The following SPATS2 variants were observed in gnomAD, a reference collection of about 807,000 sequenced individuals.
SPATS2 encodes the protein spermatogenesis associated serine rich 2.
A neutral mutation model predicts 63.7 loss-of-function variants in SPATS2; 38 were observed. The observed-to-expected ratio is 0.60, with a 90% CI of 0.46 to 0.78. SPATS2 has a LOEUF of 0.78. Ranked by LOEUF, SPATS2 falls within the 30% of genes least tolerant of loss-of-function variation. The pLI, the probability that SPATS2 is intolerant of heterozygous loss-of-function variation, is 0.00. For synonymous variants in SPATS2, 207 were observed against 232.9 expected, an observed-to-expected ratio of 0.89 and a Z score of 1.01; for missense variants, 588 against 666.2, an observed-to-expected ratio of 0.88 and a Z score of 1.29.
intron 2 of SPATS2, among the ~76,000 whole-genome samples, chr12:49,406,244 AAAT>A (rs1157682670): frequency 2.0e-5 from 3 of 152,142 alleles, no homozygotes; most frequent in Middle Eastern, 3.4e-3. Context: ...AGTAAATAAT[AAAT>A]AATCTTGGAA....
At position 49,467,215 on chromosome 12, in the gene SPATS2, A is replaced by ATT. The variant is rs35462676; in HGVS notation, c.25+6197_25+6198dup. Among the ~76,000 whole-genome samples, 331 of 119,898 alleles carry ATT rather than the reference A, an allele frequency of 2.8e-3. 5 individuals carry two copies. Among genetic ancestry groups the ATT allele is most frequent in the East Asian group, 0.012 (50 of 4,012 alleles). The allele number at this position is 119,898 out of a possible 152,430, so 78.7% of individuals were successfully genotyped here. A position where few individuals can be genotyped will look rare whatever the true frequency, so the allele number is the denominator to read the frequency against. ...AGGCCCACACCACCATGCCTGGCTA[A>ATT]TTTTTTTTTTTTTTTTTTTTGTATT... On this transcript the variant is annotated intron_variant, in intron 3 of 13. Coordinates refer to ENST00000552918, the MANE Select transcript of SPATS2 (RefSeq NM_023071.4).
chr12:49,392,820 G>T (rs1269151797), intron 2 of SPATS2, among the ~76,000 whole-genome samples: 4 of 151,910 alleles, frequency 2.6e-5, no homozygotes, highest in Admixed American at 1.3e-4. Context: ...GGGAAGCTGA[G>T]TTGGGTGGAT....
chr12:49,478,057 C>G (rs915119701), intron 3 of SPATS2, among the ~76,000 whole-genome samples: 1 of 150,670 alleles, frequency 6.6e-6, no homozygotes, highest in Non-Finnish European at 1.5e-5. Flanking sequence ...TCCCTGCAAC[C>G]TCAGACTCCT....
chr12:49,419,080 G>T (rs368316576), intron 2 of SPATS2, among the ~76,000 whole-genome samples: 5 of 152,158 alleles, frequency 3.3e-5, no homozygotes, highest in African/African-American at 1.2e-4. Context: ...CAAGGTTCCT[G>T]AGTGGTTTGG....
intron 9 of SPATS2, among the ~76,000 whole-genome samples, chr12:49,505,230 G>A (rs1399603124): frequency 3.9e-5 from 6 of 152,094 alleles, no homozygotes; most frequent in Non-Finnish European, 5.9e-5. Flanking sequence ...TAGAAATAAA[G>A]GAATGTGCTA....
At chr12:49,414,491 T>C (rs1257859616) in intron 2 of SPATS2, among the ~76,000 whole-genome samples, 2 of 152,198 alleles carry the variant, frequency 1.3e-5, no homozygotes, top group African/African-American at 4.8e-5. Flanking sequence ...CCTAAAATAT[T>C]TATCTGGTCC....
At chr12:49,382,623 C>G (rs537554739) in intron 2 of SPATS2, among the ~76,000 whole-genome samples, 5 of 152,326 alleles carry the variant, frequency 3.3e-5, no homozygotes, top group African/African-American at 1.2e-4. Flanking sequence ...CAGAAGTAAC[C>G]TCTGTTATAA....
At chr12:49,471,231 AGCT>A (rs1946028937) in intron 3 of SPATS2, among the ~76,000 whole-genome samples, 1 of 152,218 alleles carries the variant, frequency 6.6e-6, no homozygotes, top group South Asian at 2.1e-4. Context: ...CATTAATGCC[AGCT>A]GCTGTTATGG....
intron 2 of SPATS2, among the ~76,000 whole-genome samples, chr12:49,429,062 A>AGCTCTGCTCCTTTTGAGCTC (rs1432759741): frequency 6.6e-6 from 1 of 152,198 alleles, no homozygotes; most frequent in Non-Finnish European, 1.5e-5. Context: ...CATGTATTCC[A>AGCTCTGCTCCTTTTGAGCTC]GCTCTGCTCC....
intron 2 of SPATS2, among the ~76,000 whole-genome samples, chr12:49,438,209 A>G (rs1294952438): frequency 6.6e-6 from 1 of 152,150 alleles, no homozygotes; most frequent in Non-Finnish European, 1.5e-5. Context: ...AGAATCCTAT[A>G]GTATGTACTC....
At chr12:49,495,405 G>C (rs915765389) in intron 7 of SPATS2, among the ~76,000 whole-genome samples, 2 of 151,968 alleles carry the variant, frequency 1.3e-5, no homozygotes, top group African/African-American at 2.4e-5. Flanking sequence ...CACCGTGTTA[G>C]CCAGGATAGT....
chr12:49,383,280 A>C (rs1339350065), intron 2 of SPATS2, among the ~76,000 whole-genome samples: 1 of 151,022 alleles, frequency 6.6e-6, no homozygotes, highest in African/African-American at 2.4e-5. Context: ...CGGCCTCTCA[A>C]AGTGCTGGGA....
chr12:49,489,399 G>T, intron 4 of SPATS2, 66 bp from the exon 5 acceptor site: 1 of 1,218,042 alleles, frequency 8.2e-7, no homozygotes. Flanking sequence ...ATTATTCTCT[G>T]TATAGGCCTC....
At chr12:49,382,560 C>T (rs1004453871) in intron 2 of SPATS2, among the ~76,000 whole-genome samples, 1 of 152,084 alleles carries the variant, frequency 6.6e-6, no homozygotes, top group African/African-American at 2.4e-5. Flanking sequence ...TTACTTTGAT[C>T]CCTAACACTA....
At chr12:49,377,177 T>C (rs891050991) in intron 2 of SPATS2, among the ~76,000 whole-genome samples, 1 of 152,238 alleles carries the variant, frequency 6.6e-6, no homozygotes, top group Non-Finnish European at 1.5e-5. Context: ...TTTTCACCTC[T>C]GTTATTACTC....
chr12:49,472,090 G>T (rs532750009), intron 3 of SPATS2, among the ~76,000 whole-genome samples: 25 of 152,108 alleles, frequency 1.6e-4, no homozygotes, highest in African/African-American at 6.0e-4. Context: ...GTGAGCCAAG[G>T]TTGCGCCAGT....
intron 2 of SPATS2, among the ~76,000 whole-genome samples, chr12:49,439,834 A>G (rs1040766671): frequency 2.6e-5 from 4 of 152,052 alleles, no homozygotes; most frequent in Non-Finnish European, 5.9e-5. Context: ...GCCCTTTCCT[A>G]TGTCTTTACG....
At chr12:49,387,638 CAAAAAAA>C (rs35910147) in intron 2 of SPATS2, among the ~76,000 whole-genome samples, 2 of 66,176 alleles carry the variant, frequency 3.0e-5, no homozygotes, top group East Asian at 1.2e-3. Flanking sequence ...GACTCTGTCT[CAAAAAAA>C]AAAAAAAAAA....
intron 3 of SPATS2, among the ~76,000 whole-genome samples, chr12:49,478,747 T>A (rs1327611330): frequency 6.6e-6 from 1 of 152,212 alleles, no homozygotes; most frequent in Non-Finnish European, 1.5e-5. Flanking sequence ...TGGTCTTTCT[T>A]TGGCCATGGT....
Sources: allele counts gnomAD v4.1 joint callset (sites outside exome capture counted in the v4.1 genomes callset), GRCh38; gene constraint gnomAD v4.1.1; transcripts MANE v1.5; gene names NCBI Gene and HGNC (gene_info 2026-07-23, HGNC 2026-07-21).